Variants in TENT2 observed in about 807,000 individuals in gnomAD.
TENT2 encodes the protein terminal nucleotidyltransferase 2, also known as poly(A) RNA polymerase GLD2.
Under a neutral mutation model 72.2 loss-of-function variants are expected in TENT2, and 44 were observed. That is an observed-to-expected ratio of 0.61 (90% CI 0.48 to 0.78). TENT2 has a LOEUF of 0.78. TENT2 is among the 30% of genes least tolerant of loss of function. TENT2 has a pLI of 0.00. For synonymous variants in TENT2, 212 were observed against 192.5 expected, an observed-to-expected ratio of 1.10 and a Z score of -0.84; for missense variants, 541 against 569.6, an observed-to-expected ratio of 0.95 and a Z score of 0.51.
At chr5:79,625,617 C>CA (rs2150053606) in intron 4 of TENT2, among the ~76,000 whole-genome samples, 1 of 151,944 alleles carries the variant, frequency 6.6e-6, no homozygotes, top group East Asian at 1.9e-4. Flanking sequence ...CATTTTGAGT[C>CA]AATTTTTGTA....
chr5:79,679,721 T>C, intron 13 of TENT2, 51 bp downstream of exon 13: 1 of 1,048,852 alleles, frequency 9.5e-7, no homozygotes, highest in Non-Finnish European at 1.3e-6. Flanking sequence ...AGAGAATTAC[T>C]TGAGTAATTT....
At chr5:79,673,461 T>C (rs1814640442) in intron 12 of TENT2, among the ~76,000 whole-genome samples, 1 of 152,172 alleles carries the variant, frequency 6.6e-6, no homozygotes, top group African/African-American at 2.4e-5. Flanking sequence ...TTTTGGTTTG[T>C]TTTTTGTATA....
chr5:79,632,252 T>C (rs1002090740), intron 4 of TENT2, among the ~76,000 whole-genome samples: 8 of 152,206 alleles, frequency 5.3e-5, no homozygotes, highest in African/African-American at 9.7e-5. Context: ...TAGAAGTTTT[T>C]TTAACTACTT....
chr5:79,645,042 CTA>C, intron 7 of TENT2, 79 bp from the exon 8 acceptor site: 3 of 1,092,394 alleles, frequency 2.7e-6, no homozygotes, highest in Non-Finnish European at 3.9e-6. Context: ...TTAGTAAATA[CTA>C]TTTTTTAAAA....
chr5:79,615,359 TA>T (rs1758829055), intron 1 of TENT2, among the ~76,000 whole-genome samples: 1 of 152,222 alleles, frequency 6.6e-6, no homozygotes, highest in Non-Finnish European at 1.5e-5. Context: ...AAAAACAGCA[TA>T]TTTTTTATAG....
intron 13 of TENT2, among the ~76,000 whole-genome samples, chr5:79,681,150 ATTTTTTTTTTTTT>A (rs1158559796): frequency 3.6e-3 from 162 of 44,756 alleles, no homozygotes; most frequent in Non-Finnish European, 5.6e-3. Flanking sequence ...CTTTTCTTTG[ATTTTTTTTTTTTT>A]TTTTTTTTTT....
At chr5:79,681,150 A>ATTTTTTTTTTTTTTTTTTTTTTTTT (rs1158559796) in intron 13 of TENT2, among the ~76,000 whole-genome samples, 20 of 44,758 alleles carry the variant, frequency 4.5e-4, no homozygotes, top group Non-Finnish European at 5.9e-4. Flanking sequence ...CTTTTCTTTG[A>ATTTTTTTTTTTTTTTTTTTTTTTTT]TTTTTTTTTT....
intron 12 of TENT2, among the ~76,000 whole-genome samples, chr5:79,671,035 T>C (rs754112147): frequency 3.9e-5 from 6 of 152,126 alleles, no homozygotes; most frequent in Non-Finnish European, 7.4e-5. Flanking sequence ...AGAACAAAGA[T>C]AACTTTTTTC....
At chr5:79,676,788 G>A (rs765407762) in intron 12 of TENT2, among the ~76,000 whole-genome samples, 3 of 152,030 alleles carry the variant, frequency 2.0e-5, no homozygotes, top group South Asian at 4.2e-4. Context: ...CATCTCTCTT[G>A]TGTAGATTCT....
At chr5:79,647,834 A>G (rs1030553197) in intron 8 of TENT2, among the ~76,000 whole-genome samples, 2 of 152,132 alleles carry the variant, frequency 1.3e-5, no homozygotes, top group African/African-American at 4.8e-5. Context: ...CGTATTTTCT[A>G]AATTATGAAC....
At chr5:79,665,124 C>T (rs1806408285) in intron 11 of TENT2, among the ~76,000 whole-genome samples, 1 of 152,164 alleles carries the variant, frequency 6.6e-6, no homozygotes, top group South Asian at 2.1e-4. Flanking sequence ...TTTGCAGAAA[C>T]TTCAAGGTAT....
chr5:79,634,245 T>C (rs1299643827), intron 4 of TENT2, among the ~76,000 whole-genome samples: 4 of 152,122 alleles, frequency 2.6e-5, no homozygotes, highest in Admixed American at 1.3e-4. Context: ...GCAATTTTAT[T>C]GGTATTTAAT....
intron 4 of TENT2, among the ~76,000 whole-genome samples, chr5:79,629,469 T>C (rs985953162): frequency 1.3e-5 from 2 of 152,182 alleles, no homozygotes; most frequent in Non-Finnish European, 2.9e-5. Context: ...ATACACTGTT[T>C]TGCTAAACAT....
At chr5:79,635,086 A>T (rs1779004081) in intron 4 of TENT2, among the ~76,000 whole-genome samples, 1 of 152,194 alleles carries the variant, frequency 6.6e-6, no homozygotes, top group African/African-American at 2.4e-5. Flanking sequence ...TACATATATG[A>T]TCTAAATCGT....
At chr5:79,679,122 T>G (rs907028350) in intron 12 of TENT2, among the ~76,000 whole-genome samples, 4 of 152,166 alleles carry the variant, frequency 2.6e-5, no homozygotes, top group Admixed American at 2.0e-4. Context: ...GCCAGGCTGG[T>G]CTTGAACTCT....
At chr5:79,677,215 A>C (rs1016932667) in intron 12 of TENT2, among the ~76,000 whole-genome samples, 2 of 152,236 alleles carry the variant, frequency 1.3e-5, no homozygotes, top group African/African-American at 4.8e-5. Flanking sequence ...TAGTGATTCA[A>C]AATATTCTTT....
intron 2 of TENT2, 104 bp from the exon 3 acceptor site, chr5:79,619,890 C>T: frequency 6.8e-7 from 1 of 1,473,272 alleles, no homozygotes; most frequent in Non-Finnish European, 9.2e-7. Flanking sequence ...TATGTCGTCA[C>T]ATTTTTTTTT....
intron 9 of TENT2, 147 bp from the exon 10 acceptor site, chr5:79,648,915 T>C (rs1791313142): frequency 3.0e-6 from 3 of 1,001,618 alleles, no homozygotes; most frequent in South Asian, 1.8e-5. Flanking sequence ...AGGTAAGTTT[T>C]AGACATAAGA....
intron 11 of TENT2, among the ~76,000 whole-genome samples, chr5:79,660,556 C>T (rs919893136): frequency 2.0e-5 from 3 of 152,042 alleles, no homozygotes; most frequent in African/African-American, 7.2e-5. Flanking sequence ...TTCTATAGCT[C>T]TTCTGTGTAG....
Sources: gnomAD v4.1 joint callset for allele counts (sites outside exome capture counted in the v4.1 genomes callset) on GRCh38, gnomAD v4.1.1 for gene constraint, MANE v1.5 for transcripts, NCBI Gene and HGNC (gene_info 2026-07-23, HGNC 2026-07-21) for gene names.